CDK13: variants seen among roughly 807,000 people sequenced by gnomAD.
CDK13 encodes the protein cyclin-dependent kinase 13.
A neutral mutation model predicts 137.6 loss-of-function variants in CDK13; 40 were observed. The ratio of observed to expected loss-of-function variants is 0.29; its 90% confidence interval spans 0.23 to 0.38. The LOEUF (loss-of-function observed/expected upper bound fraction) is 0.38. Ranked by LOEUF, CDK13 falls within the 10% of genes least tolerant of loss-of-function variation. The pLI, the probability that CDK13 is intolerant of heterozygous loss-of-function variation, is 1.00. For missense variants in CDK13, 1,704 were observed against 1,951.8 expected, an observed-to-expected ratio of 0.87 and a Z score of 2.39; for synonymous variants, 869 against 760.1, an observed-to-expected ratio of 1.14 and a Z score of -2.36.
At chr7:40,027,674 T>C (rs1469620461) in intron 5 of CDK13, among the ~76,000 whole-genome samples, 1 of 151,010 alleles carries the variant, frequency 6.6e-6, no homozygotes, top group Non-Finnish European at 1.5e-5. Context: ...TTTTTTTTTT[T>C]TTTTGAGGAT....
chr7:40,089,364 C>T (rs1786864006), intron 12 of CDK13, among the ~76,000 whole-genome samples: 1 of 149,770 alleles, frequency 6.7e-6, no homozygotes, highest in African/African-American at 2.5e-5. Flanking sequence ...TGCTTGAACC[C>T]AGGAGGCAGA....
intron 5 of CDK13, among the ~76,000 whole-genome samples, chr7:40,003,720 C>G (rs1172367676): frequency 6.6e-6 from 1 of 152,164 alleles, no homozygotes; most frequent in Non-Finnish European, 1.5e-5. Context: ...CTTTTTTGAT[C>G]TGTGAGATCA....
chr7:39,976,358 CAG>C (rs1227833036), intron 1 of CDK13, among the ~76,000 whole-genome samples: 1 of 147,208 alleles, frequency 6.8e-6, no homozygotes, highest in Non-Finnish European at 1.5e-5. Flanking sequence ...CACACACACA[CAG>C]AAACAAATGG....
rs1271000464 is a variant in CDK13 at position 39,951,240 on chromosome 7, G to C, written c.599G>C (p.Arg200Pro). 7 of 1,287,526 alleles carry C rather than the reference G, an allele frequency of 5.4e-6. No individual in the cohort carries two copies. In the East Asian group the frequency reaches 1.6e-4, roughly 29 times the overall value. The allele number at this position is 1,287,526 out of a possible 1,614,324, so 79.8% of individuals were successfully genotyped here. A position where few individuals can be genotyped will look rare whatever the true frequency, so the allele number is the denominator to read the frequency against. The stretch of plus-strand genomic sequence containing the variant: ...GAGGGGTCGGAGCGCAGGCCCCGCC[G>C]GGACCGCCGCAGCAGCAGTGGCCGC... The part of the protein sequence containing the change: ...RGEGSERRPR[R>P]DRRSSSGRSK... Residue 200 changes from arginine to proline, a missense_variant, in exon 1 of 14, where the codon CGG becomes CCG. Around this residue, in one of 5 missense-constraint regions of CDK13, gnomAD observed 1,051 missense variants for 931.0 expected, o/e 1.13. Transcript: ENST00000181839.
At chr7:39,977,069 G>A (rs1022468229) in intron 1 of CDK13, among the ~76,000 whole-genome samples, 3 of 152,180 alleles carry the variant, frequency 2.0e-5, no homozygotes, top group Admixed American at 1.3e-4. Flanking sequence ...AATGGAGACC[G>A]TGCTGCTTGT....
chr7:39,951,583 G>T lies in CDK13; in HGVS notation c.942G>T (p.Arg314=), dbSNP rs749876028. ...KTEPKAYRRR[R]SLSPLGGRDD... ...AGCCTAAGGCCTACAGGCGGCGGCGGTCCCTCAGCCCACTGGGAGGCCGGG... is the reference window on the plus strand; with the variant it reads ...AGCCTAAGGCCTACAGGCGGCGGCGTTCCCTCAGCCCACTGGGAGGCCGGG... Residue 314 remains arginine, a synonymous_variant, in exon 1 of 14, where the codon CGG becomes CGT. Coordinates refer to ENST00000181839, the MANE Select transcript of CDK13 (RefSeq NM_003718.5). 34 of 1,505,604 alleles carry T rather than the reference G, an allele frequency of 2.3e-5. No homozygotes were observed. Among genetic ancestry groups the T allele is most frequent in the Non-Finnish European group, 2.5e-5 (28 of 1,129,020 alleles). 93.3% of individuals were successfully genotyped at this position (1,505,604 alleles called of 1,614,324 possible).
intron 5 of CDK13, among the ~76,000 whole-genome samples, chr7:40,003,206 A>ACACACACTCTCTCT (rs374470130): frequency 5.9e-4 from 47 of 79,896 alleles, no homozygotes; most frequent in African/African-American, 1.9e-3. Flanking sequence ...ACACACACAC[A>ACACACACTCTCTCT]CTCTCTCTCT....
chr7:40,052,488 A>G (rs966324259), intron 7 of CDK13, among the ~76,000 whole-genome samples: 13 of 152,176 alleles, frequency 8.5e-5, no homozygotes, highest in Non-Finnish European at 1.3e-4. Context: ...TGAAAAACGT[A>G]TCTTTAATAA....
intron 1 of CDK13, among the ~76,000 whole-genome samples, chr7:39,973,367 C>G (rs6955589): frequency 0.11 from 17,035 of 152,136 alleles, 3,142 homozygotes; most frequent in African/African-American, 0.38. Context: ...CAAACTCAAG[C>G]TCAAGCAATC....
chr7:39,974,413 G>A (rs950317203), intron 1 of CDK13, among the ~76,000 whole-genome samples: 6 of 151,852 alleles, frequency 4.0e-5, no homozygotes, highest in Non-Finnish European at 5.9e-5. Flanking sequence ...ACGTGAACAC[G>A]GGATGTCTTT....
intron 7 of CDK13, chr7:40,062,106 G>A (rs565082149): frequency 1.3e-5 from 2 of 152,104 alleles, no homozygotes; most frequent in East Asian, 1.9e-4. Context: ...TTTGTTAGGT[G>A]GTCTTTATTT....
At chr7:39,996,921 G>GCCACTGCA (rs1554326335) in intron 2 of CDK13, among the ~76,000 whole-genome samples, 1 of 125,956 alleles carries the variant, frequency 7.9e-6, no homozygotes, top group African/African-American at 3.2e-5. Context: ...CCAGGATCTT[G>GCCACTGCA]CCACTGCACT....
chr7:39,977,107 C>T (rs1475752774), intron 1 of CDK13, among the ~76,000 whole-genome samples: 4 of 152,094 alleles, frequency 2.6e-5, no homozygotes, highest in Non-Finnish European at 2.9e-5. Context: ...CTTCATAAGG[C>T]TTTATGAAGT....
chr7:40,022,764 A>G (rs934487186), intron 5 of CDK13, among the ~76,000 whole-genome samples: 3 of 151,442 alleles, frequency 2.0e-5, no homozygotes, highest in Non-Finnish European at 4.4e-5. Flanking sequence ...ATGTTAGGTT[A>G]ATTTGCTTAC....
chr7:39,961,190 C>G (rs1377697911), intron 1 of CDK13, among the ~76,000 whole-genome samples: 2 of 152,046 alleles, frequency 1.3e-5, no homozygotes, highest in Non-Finnish European at 2.9e-5. Flanking sequence ...GAAACCCCGT[C>G]TCTACTAAAA....
At chr7:40,021,110 T>TACACACACACAC (rs1284247106) in intron 5 of CDK13, among the ~76,000 whole-genome samples, 56 of 81,936 alleles carry the variant, frequency 6.8e-4, no homozygotes, top group African/African-American at 2.1e-3. Context: ...AACGTATATA[T>TACACACACACAC]ATATATATAT....
rs369048219 is a variant in CDK13 at position 40,091,055 on chromosome 7, AAAAC to A, written c.3236-1727_3236-1724del. Among the ~76,000 whole-genome samples the A allele has an allele frequency of 3.8e-4, 58 of 152,212 alleles. 1 individual carries two copies. The South Asian group carries it at 0.012, about 31-fold the overall frequency. On this transcript the variant is annotated intron_variant, in intron 12 of 13. Transcript: ENST00000181839. ...GCAAAACCATGTCTCTACTAAAAAT[AAAAC>A]AACTGGCCGGGCATGGTGGCTCACG...
In CDK13 at chr7:40,098,293, C is replaced by T. The variant is rs1240121694; in HGVS notation, c.*3313C>T. On this transcript the variant is annotated 3_prime_UTR_variant, in exon 14 of 14. Transcript: ENST00000181839. ...ATACATAAATGCTTAAAATCTGGTACTTCTGAGTTAAGGTTTTGCTCTTTG... is the reference window on the plus strand; with the variant it reads ...ATACATAAATGCTTAAAATCTGGTATTTCTGAGTTAAGGTTTTGCTCTTTG... The T allele has an allele frequency of 6.6e-6, 1 of 152,006 alleles. No individual in the cohort carries two copies. Among genetic ancestry groups the T allele is most frequent in the Non-Finnish European group, 1.5e-5 (1 of 67,978 alleles). 9.4% of individuals were successfully genotyped at this position (152,006 alleles called of 1,614,324 possible). A position where few individuals can be genotyped will look rare whatever the true frequency, so the allele number is the denominator to read the frequency against.
At chr7:40,021,910 T>A (rs776205814) in intron 5 of CDK13, among the ~76,000 whole-genome samples, 1 of 152,216 alleles carries the variant, frequency 6.6e-6, no homozygotes, top group Non-Finnish European at 1.5e-5. Flanking sequence ...TTTATCAAGG[T>A]ATATTTATGG....
Sources: allele counts gnomAD v4.1 joint callset (sites outside exome capture counted in the v4.1 genomes callset), GRCh38; gene constraint gnomAD v4.1.1; regional missense constraint gnomAD v4.1.1; transcripts MANE v1.5; gene names NCBI Gene and HGNC (gene_info 2026-07-23, HGNC 2026-07-21).